HSPA12B: variants seen among roughly 807,000 people sequenced by gnomAD.
HSPA12B encodes the protein heat shock 70 kDa protein 12B.
In HSPA12B, 54 loss-of-function variants were observed where a neutral mutation model predicts 69.3. The ratio of observed to expected loss-of-function variants is 0.78; its 90% CI spans 0.63 to 0.98. The LOEUF is 0.98. Among genes scored for constraint, HSPA12B ranks in the 50% least tolerant of loss-of-function variants. HSPA12B has a pLI of 0.00. For missense variants in HSPA12B, 929 were observed against 999.8 expected, an observed-to-expected ratio of 0.93 and a Z score of 0.96; for synonymous variants, 441 against 436.5, an observed-to-expected ratio of 1.01 and a Z score of -0.13.
In HSPA12B at chr20:3,748,282, G is replaced by A. The variant is rs775745835; in HGVS notation, c.741G>A (p.Ser247=). ...LLIALEPEAA[S]VYCRKLRLHQ... is the part of the protein sequence containing the mutation. ...TCGCCCTGGAGCCCGAGGCCGCCTCGGTATACTGCCGCAAGCTGCGCCTGC... is the reference window on the plus strand; with the variant it reads ...TCGCCCTGGAGCCCGAGGCCGCCTCAGTATACTGCCGCAAGCTGCGCCTGC... Residue 247 remains serine, a synonymous_variant, in exon 8 of 13, where the codon TCG becomes TCA. Coordinates refer to ENST00000254963, the MANE Select transcript of HSPA12B (RefSeq NM_052970.5). 10 of 1,609,480 alleles carry A rather than the reference G, an allele frequency of 6.2e-6. No homozygotes were observed. Among genetic ancestry groups the A allele is most frequent in the South Asian group, 1.1e-5 (1 of 90,352 alleles).
chr20:3,738,212 C>T (rs2088138438), intron 1 of HSPA12B, among the ~76,000 whole-genome samples: 2 of 152,228 alleles, frequency 1.3e-5, no homozygotes, highest in African/African-American at 4.8e-5. Flanking sequence ...TCCTAGCACT[C>T]AGCAACGCTT....
chr20:3,744,862 A>T lies in HSPA12B; in HGVS notation c.267-40A>T. 6.3e-7 allele frequency: 1 copy of T among 1,585,508 alleles called. No homozygotes were observed. Among genetic ancestry groups the T allele is most frequent in the Non-Finnish European group, 8.6e-7 (1 of 1,163,532 alleles). ...GTTCCCTCTGCCTGGATTCCCACCC[A>T]AGAAGGGAGGGTTGCACTGACTGCC... On this transcript the variant is annotated intron_variant, in intron 4 of 12. Coordinates refer to ENST00000254963, the MANE Select transcript of HSPA12B (RefSeq NM_052970.5). The surrounding 1 kb of genome is among the most constrained non-coding windows in gnomAD (Gnocchi z 4.9).
At position 3,750,031 on chromosome 20, in the gene HSPA12B, G is replaced by A. The variant is rs774344821; in HGVS notation, c.1105G>A (p.Gly369Ser). The A allele has an allele frequency of 1.9e-6, 3 of 1,602,062 alleles. No individual in the cohort carries two copies. Among genetic ancestry groups the A allele is most frequent in the African/African-American group, 1.3e-5 (1 of 74,652 alleles). Residue 369 changes from glycine (G) to serine (S), a missense_variant, in exon 11 of 13, where the codon GGC becomes AGC. This residue lies in a region of HSPA12B where 477 missense variants were observed against 535.2 expected (regional missense o/e 0.89). Coordinates refer to ENST00000254963, the MANE Select transcript of HSPA12B (RefSeq NM_052970.5). ...AFEQLLCRIF[G>S]EDFIATFKRQ... is the part of the protein sequence containing the mutation. ...CGAGCAGCTGCTGTGCCGCATCTTC[G>A]GCGAGGACTTCATCGCCACCTTCAA...
chr20:3,751,997 G>A lies in HSPA12B; in HGVS notation c.1892G>A (p.Ser631Asn). Residue 631 changes from serine (S) to asparagine (N), a missense_variant, in exon 13 of 13, where the codon AGC becomes AAC. Transcript: ENST00000254963. ...GGCGTGCGCAAATGCGGCGCGCTCA[G>A]CCTCGAGCTTGAGCCCGCCGACTGC... ...DPGVRKCGAL[S>N]LELEPADCGQ... 6.4e-7 allele frequency: 1 copy of A among 1,569,140 alleles called. No individual in the cohort carries two copies.
In HSPA12B at chr20:3,745,559, G is replaced by T. The variant is rs1203582007; in HGVS notation, c.520G>T (p.Ala174Ser). 1.9e-6 allele frequency: 3 copies of T among 1,614,010 alleles called. No individual in the cohort carries two copies. In the African/African-American group the frequency reaches 4.0e-5, roughly 22 times the overall value. ...GACGATGCCCGCCCTGGAGGTGTTC[G>T]CCCATGCCCTGCGCTTCTTCAGGGA... Reference protein sequence around the residue: ...GKTMPALEVFAHALRFFREHA... With the variant: ...GKTMPALEVFSHALRFFREHA... Residue 174 changes from alanine to serine, a missense_variant, in exon 6 of 13, where the codon GCC (alanine) becomes TCC (serine). Physicochemically the swap from Ala to Ser is moderately conservative, Grantham distance 99 (BLOSUM62 1). Around this residue, in one of 3 missense-constraint regions of HSPA12B, gnomAD observed 477 missense variants for 535.2 expected, o/e 0.89. Transcript: ENST00000254963. The surrounding 1 kb of genome is among the most constrained non-coding windows in gnomAD (Gnocchi z 5.6).
rs1568478635 is a variant in HSPA12B, at chr20:3,749,175, C to T, written c.851-57C>T. On this transcript the variant is annotated intron_variant, in intron 8 of 12. Coordinates refer to ENST00000254963, the MANE Select transcript of HSPA12B (RefSeq NM_052970.5). This position sits in a 1 kb window ranked among gnomAD's most constrained non-coding sequence, Gnocchi z 5.5. ...CCTGGGCAGGAGGATGGGAGTTGAA[C>T]GCCATAGCTGGAGCACCTCCTTCTA... is the stretch of plus-strand genomic sequence containing the variant. The T allele has an allele frequency of 5.4e-6, 8 of 1,491,566 alleles. No individual in the cohort carries two copies. In the Admixed American group the frequency reaches 9.0e-5, roughly 17 times the overall value. 92.4% of individuals were successfully genotyped at this position (1,491,566 alleles called of 1,614,324 possible).
In HSPA12B at chr20:3,742,417, G is replaced by C. The variant is rs370781893; in HGVS notation, c.266+9G>C. ...GCCATCCACATGATGAGGTGAGGTCGGCTGGGCTGAGAGAGTGAGGTGGGG... is the reference window on the plus strand; with the variant it reads ...GCCATCCACATGATGAGGTGAGGTCCGCTGGGCTGAGAGAGTGAGGTGGGG... On this transcript the variant is annotated intron_variant, in intron 4 of 12. Transcript: ENST00000254963. 8 of 1,603,698 alleles carry C rather than the reference G, an allele frequency of 5.0e-6. 1 individual carries two copies. In the South Asian group the frequency reaches 8.8e-5, roughly 18 times the overall value.
chr20:3,750,920 G>C lies in HSPA12B; in HGVS notation c.1405+13G>C, dbSNP rs2088408174. ...ATCCAGCACATAGGTGAGCACCTGA[G>C]CTTGGTCCCCCACCCGCCCCTACAT... On this transcript the variant is annotated intron_variant, in intron 12 of 12. Coordinates refer to ENST00000254963, the MANE Select transcript of HSPA12B (RefSeq NM_052970.5). 3 of 1,612,072 alleles carry C rather than the reference G, an allele frequency of 1.9e-6. No individual in the cohort carries two copies. Among genetic ancestry groups the C allele is most frequent in the Non-Finnish European group, 2.5e-6 (3 of 1,178,286 alleles).
chr20:3,750,623 T>C (rs1278588456), intron 11 of HSPA12B, 181 bp from the exon 12 acceptor site: 1 of 975,178 alleles, frequency 1.0e-6, no homozygotes, highest in African/African-American at 1.8e-5. Flanking sequence ...ATCCTCTGAG[T>C]GAGTAGGGTG....
Position 3,752,200 on chromosome 20 carries a change from C to A in HSPA12B, c.*34C>A, listed in dbSNP as rs1187273846. On this transcript the variant is annotated 3_prime_UTR_variant, in exon 13 of 13. Transcript: ENST00000254963. ...CGGCGCGGTGCCAGCGCCGTCTGCC[C>A]GGCCCCGCCCTCTTTCGGTTCAGGG... The A allele has an allele frequency of 3.5e-6, 5 of 1,443,734 alleles. No individual in the cohort carries two copies. The highest frequency in any genetic ancestry group is 2.6e-5 in the East Asian group (1 of 38,664). 89.4% of individuals were successfully genotyped at this position (1,443,734 alleles called of 1,614,324 possible).
intron 1 of HSPA12B, among the ~76,000 whole-genome samples, chr20:3,734,763 A>G: frequency 7.1e-6 from 1 of 140,094 alleles, no homozygotes; most frequent in East Asian, 2.0e-4. Flanking sequence ...TTTTGGAGAC[A>G]GGGTCTCACT....
Position 3,745,231 on chromosome 20 carries a change from G to T in HSPA12B, c.453+143G>T. On this transcript the variant is annotated intron_variant, in intron 5 of 12. Transcript: ENST00000254963. This position sits in a 1 kb window ranked among gnomAD's most constrained non-coding sequence, Gnocchi z 5.6. ...AGAGGGGGCGGGGCTAAAGGGAGACGTCGGACTCCGGTGTGGGCGGAGCTC... is the reference window on the plus strand; with the variant it reads ...AGAGGGGGCGGGGCTAAAGGGAGACTTCGGACTCCGGTGTGGGCGGAGCTC... 5 of 782,512 alleles carry T rather than the reference G, an allele frequency of 6.4e-6. No homozygotes were observed. Among genetic ancestry groups the T allele is most frequent in the Non-Finnish European group, 1.0e-5 (5 of 491,440 alleles). 48.5% of individuals were successfully genotyped at this position (782,512 alleles called of 1,614,324 possible).
chr20:3,751,589 T>C lies in HSPA12B; in HGVS notation c.1484T>C (p.Leu495Pro). Residue 495 changes from leucine to proline, a missense_variant, in exon 13 of 13, where the codon CTG becomes CCG. Leu to Pro is a moderately conservative substitution (Grantham distance 98). Around this residue, in one of 3 missense-constraint regions of HSPA12B, gnomAD observed 448 missense variants for 448.1 expected, o/e 1.00. Transcript: ENST00000254963. The part of the protein sequence containing the change: ...LVGGFAESAV[L>P]QHAVQAALGA... ...GGCGGCTTCGCCGAGTCAGCGGTGC[T>C]GCAGCACGCGGTGCAGGCGGCGCTG... The C allele has an allele frequency of 6.6e-7, 1 of 1,520,884 alleles. No homozygotes were observed. The highest frequency in any genetic ancestry group is 8.8e-7 in the Non-Finnish European group (1 of 1,137,936). The allele number at this position is 1,520,884 out of a possible 1,614,324, so 94.2% of individuals were successfully genotyped here.
At chr20:3,734,736 AATT>A (rs2088082651) in intron 1 of HSPA12B, among the ~76,000 whole-genome samples, 1 of 89,576 alleles carries the variant, frequency 1.1e-5, no homozygotes, top group Non-Finnish European at 2.5e-5. Context: ...TCTTTAACAC[AATT>A]TTTTTTTTTT....
In HSPA12B at chr20:3,742,269, G is replaced by C; in HGVS notation, c.142-15G>C. 4 of 1,613,228 alleles carry C rather than the reference G, an allele frequency of 2.5e-6. No homozygotes were observed. Among genetic ancestry groups the C allele is most frequent in the Non-Finnish European group, 3.4e-6 (4 of 1,179,306 alleles). ...CCTGCTGGCTGCTTGCTAATTCTAA[G>C]TCTTGCACTTGCAGAAACCCGAGGT... On this transcript the variant is annotated splice_polypyrimidine_tract_variant and intron_variant, in intron 3 of 12. Coordinates refer to ENST00000254963, the MANE Select transcript of HSPA12B (RefSeq NM_052970.5).
intron 7 of HSPA12B, among the ~76,000 whole-genome samples, chr20:3,747,850 C>T (rs554501991): frequency 2.0e-5 from 3 of 152,374 alleles, no homozygotes; most frequent in East Asian, 3.9e-4. Context: ...TGCCAATACC[C>T]CCAGCCAGCG....
rs1388364172 is a variant in HSPA12B at position 3,750,161 on chromosome 20, TCTC to T, written c.1238_1240del (p.Ser413del). On this transcript the variant is annotated inframe_deletion, in exon 11 of 13. Coordinates refer to ENST00000254963, the MANE Select transcript of HSPA12B (RefSeq NM_052970.5). ...GGGGCGCTCAACATCTCGCTGCCCT[TCTC>T]CTTCATTGACTTCTACCGCAAGCAG... 4 of 1,611,514 alleles carry T rather than the reference TCTC, an allele frequency of 2.5e-6. No homozygotes were observed. Among genetic ancestry groups the T allele is most frequent in the Non-Finnish European group, 2.5e-6 (3 of 1,179,168 alleles).
In HSPA12B at chr20:3,749,152, T is replaced by G; in HGVS notation, c.851-80T>G. The G allele has an allele frequency of 7.8e-7, 1 of 1,284,622 alleles. No homozygotes were observed. Among genetic ancestry groups the G allele is most frequent in the South Asian group, 1.3e-5 (1 of 76,482 alleles). 79.6% of individuals were successfully genotyped at this position (1,284,622 alleles called of 1,614,324 possible). A position where few individuals can be genotyped will look rare whatever the true frequency, so the allele number is the denominator to read the frequency against. ...CTGCTCCCAGTGCCCATGGAGGTCC[T>G]GGGCAGGAGGATGGGAGTTGAACGC... On this transcript the variant is annotated intron_variant, in intron 8 of 12. Transcript: ENST00000254963. The surrounding 1 kb of genome is among the most constrained non-coding windows in gnomAD (Gnocchi z 5.5).
chr20:3,751,733 A>G lies in HSPA12B; in HGVS notation c.1628A>G (p.Tyr543Cys), dbSNP rs1239579120. The change falls in exon 13 of 13, where the codon TAT (tyrosine) becomes TGT (cysteine). Residue 543 changes from tyrosine (Y) to cysteine (C), a missense_variant. Tyr to Cys is a radical substitution (Grantham distance 194, BLOSUM62 -2). Transcript: ENST00000254963. ...CGGGTCCGCCGCTCGCCGCTCACCT[A>G]TGGCGTGGGCGTGCTCAACCGCTTT... ...VVRVRRSPLT[Y>C]GVGVLNRFVP... 1.3e-6 allele frequency: 2 copies of G among 1,515,826 alleles called. No homozygotes were observed. Among genetic ancestry groups the G allele is most frequent in the East Asian group, 2.5e-5 (1 of 39,268 alleles). 93.9% of individuals were successfully genotyped at this position (1,515,826 alleles called of 1,614,324 possible).
Sources: allele counts gnomAD v4.1 joint callset (sites outside exome capture counted in the v4.1 genomes callset), GRCh38; gene constraint gnomAD v4.1.1; regional missense constraint gnomAD v4.1.1; non-coding constraint Gnocchi (gnomAD v3.1); transcripts MANE v1.5; gene names NCBI Gene and HGNC (gene_info 2026-07-23, HGNC 2026-07-21).